KLHL29: variants seen among roughly 807,000 people sequenced by gnomAD.
KLHL29 encodes kelch-like protein 29.
Under a neutral mutation model 80.4 loss-of-function variants are expected in KLHL29, and 21 were observed. That is an observed-to-expected ratio of 0.26 (90% CI 0.19 to 0.38). KLHL29 has a LOEUF of 0.38. Among genes scored for constraint, KLHL29 ranks in the 10% least tolerant of loss-of-function variants. The pLI is 1.00. For missense variants in KLHL29, 867 were observed against 1,223.9 expected, an observed-to-expected ratio of 0.71 and a Z score of 4.35; for synonymous variants, 511 against 526.8, an observed-to-expected ratio of 0.97 and a Z score of 0.41.
At chr2:23,518,833 A>G (rs925225194) in intron 2 of KLHL29, among the ~76,000 whole-genome samples, 1 of 152,140 alleles carries the variant, frequency 6.6e-6, no homozygotes, top group African/African-American at 2.4e-5. Context: ...CTATCCCCAT[A>G]TCATGAACTG....
At chr2:23,401,795 C>T (rs902228806) in intron 1 of KLHL29, among the ~76,000 whole-genome samples, 1 of 152,200 alleles carries the variant, frequency 6.6e-6, no homozygotes, top group Non-Finnish European at 1.5e-5. Context: ...CCTCTTCATT[C>T]TCTAGAAGGC....
intron 1 of KLHL29, among the ~76,000 whole-genome samples, chr2:23,390,894 T>A (rs1666304743): frequency 6.6e-6 from 1 of 152,172 alleles, no homozygotes; most frequent in Non-Finnish European, 1.5e-5. Context: ...CCTCAGGTGA[T>A]CCACCCGCCT....
chr2:23,534,083 T>A (rs1572384382), intron 2 of KLHL29, among the ~76,000 whole-genome samples: 1 of 152,192 alleles, frequency 6.6e-6, no homozygotes, highest in Non-Finnish European at 1.5e-5. Context: ...CGGGGATGCC[T>A]TTCCAAGCAA....
At chr2:23,627,514 C>A (rs1572449137) in intron 3 of KLHL29, among the ~76,000 whole-genome samples, 1 of 152,256 alleles carries the variant, frequency 6.6e-6, no homozygotes, top group African/African-American at 2.4e-5. Flanking sequence ...CTGAGACCCA[C>A]ACTCAGGCGC....
Position 23,606,183 on chromosome 2 carries a change from A to AGAGG in KLHL29, c.286-32953_286-32952insGGAG, listed in dbSNP as rs1412805685. Among the ~76,000 whole-genome samples the AGAGG allele has an allele frequency of 5.0e-5, 6 of 119,236 alleles. No homozygotes were observed. In the South Asian group the frequency reaches 1.3e-3, roughly 26 times the overall value. 78.2% of individuals were successfully genotyped at this position (119,236 alleles called of 152,430 possible). ...GTGTGTGTGTGTGCGTGAGAGAGAG[A>AGAGG]GAGAGGGAGAGAGAGAGGGAGAGAG... On this transcript the variant is annotated intron_variant, in intron 3 of 13. Coordinates refer to ENST00000486442, the MANE Select transcript of KLHL29 (RefSeq NM_052920.2).
intron 2 of KLHL29, among the ~76,000 whole-genome samples, chr2:23,505,237 G>T (rs915950863): frequency 5.9e-5 from 9 of 152,228 alleles, no homozygotes; most frequent in African/African-American, 2.2e-4. Flanking sequence ...AGATCTGAGA[G>T]CCCTGTGATG....
intron 3 of KLHL29, among the ~76,000 whole-genome samples, chr2:23,565,597 T>C (rs930362822): frequency 1.3e-5 from 2 of 152,012 alleles, no homozygotes; most frequent in African/African-American, 4.8e-5. Context: ...TTAAAGCTTT[T>C]TTCAGCTGTG....
In KLHL29 at chr2:23,696,272, C is replaced by A; in HGVS notation, c.1925-61C>A. The A allele has an allele frequency of 6.6e-7, 1 of 1,515,176 alleles. No homozygotes were observed. The highest frequency in any genetic ancestry group is 9.0e-7 in the Non-Finnish European group (1 of 1,117,096). The allele number at this position is 1,515,176 out of a possible 1,614,324, so 93.9% of individuals were successfully genotyped here. A position where few individuals can be genotyped will look rare whatever the true frequency, so the allele number is the denominator to read the frequency against. On this transcript the variant is annotated intron_variant, in intron 10 of 13. Transcript: ENST00000486442. This position sits in a 1 kb window ranked among gnomAD's most constrained non-coding sequence, Gnocchi z 5.5. ...CCTTCCTCTGCCCCTGGGGCTGGGC[C>A]TGCTGACCCCAGGCCCCTCCTCACC...
chr2:23,529,106 C>A (rs1666418371), intron 2 of KLHL29, among the ~76,000 whole-genome samples: 1 of 152,198 alleles, frequency 6.6e-6, no homozygotes, highest in Non-Finnish European at 1.5e-5. Context: ...TGAAAAGCCC[C>A]TTTTTACTAA....
intron 2 of KLHL29, among the ~76,000 whole-genome samples, chr2:23,488,582 G>T (rs565703569): frequency 6.6e-6 from 1 of 152,350 alleles, no homozygotes; most frequent in South Asian, 2.1e-4. Context: ...AAGCAGAAAG[G>T]TTTTCTATTT....
chr2:23,638,599 G>C (rs1157431521), intron 3 of KLHL29, among the ~76,000 whole-genome samples: 1 of 152,210 alleles, frequency 6.6e-6, no homozygotes, highest in African/African-American at 2.4e-5. Flanking sequence ...GGGCCTCAGA[G>C]GCTGGTGTGG....
At chr2:23,599,782 C>G (rs139211314) in intron 3 of KLHL29, among the ~76,000 whole-genome samples, 6 of 152,272 alleles carry the variant, frequency 3.9e-5, no homozygotes, top group African/African-American at 1.4e-4. Context: ...AATTTAAAGA[C>G]AAAGGAAACA....
At chr2:23,451,683 C>T (rs1000818522) in intron 1 of KLHL29, among the ~76,000 whole-genome samples, 16 of 152,278 alleles carry the variant, frequency 1.1e-4, no homozygotes, top group East Asian at 5.8e-4. Context: ...GGATTTTGGA[C>T]GGGCACATTA....
intron 3 of KLHL29, among the ~76,000 whole-genome samples, chr2:23,608,862 C>T (rs549601105): frequency 1.2e-3 from 179 of 151,924 alleles, no homozygotes; most frequent in Non-Finnish European, 2.2e-3. Flanking sequence ...TTAATAATAA[C>T]GATAAAGATA....
At chr2:23,421,414 T>A (rs951870137) in intron 1 of KLHL29, among the ~76,000 whole-genome samples, 1 of 152,170 alleles carries the variant, frequency 6.6e-6, no homozygotes. Flanking sequence ...GCCTCTCCTC[T>A]CCTCTCCTCC....
intron 3 of KLHL29, among the ~76,000 whole-genome samples, chr2:23,628,665 A>G (rs907505435): frequency 1.3e-5 from 2 of 152,138 alleles, no homozygotes; most frequent in African/African-American, 4.8e-5. Context: ...AATAGTAATA[A>G]TAATGTTGGG....
chr2:23,390,403 G>T (rs190603174), intron 1 of KLHL29, among the ~76,000 whole-genome samples: 5 of 152,264 alleles, frequency 3.3e-5, no homozygotes, highest in African/African-American at 9.6e-5. Flanking sequence ...GCGCAAAGAC[G>T]ACAGCCGCTA....
chr2:23,548,719 T>C (rs757581278), intron 2 of KLHL29, among the ~76,000 whole-genome samples: 1 of 152,220 alleles, frequency 6.6e-6, no homozygotes, highest in Non-Finnish European at 1.5e-5. Flanking sequence ...GTGAAAAGCG[T>C]ACCTCGCCGA....
chr2:23,513,245 A>G (rs1418604320), intron 2 of KLHL29, among the ~76,000 whole-genome samples: 1 of 152,214 alleles, frequency 6.6e-6, no homozygotes, highest in Non-Finnish European at 1.5e-5. Context: ...TAGTTCTGCA[A>G]TCCAATTTCT....
Sources: gnomAD v4.1 joint callset for allele counts (sites outside exome capture counted in the v4.1 genomes callset) on GRCh38, gnomAD v4.1.1 for gene constraint, Gnocchi (gnomAD v3.1) non-coding constraint, MANE v1.5 for transcripts, NCBI Gene and HGNC (gene_info 2026-07-23, HGNC 2026-07-21) for gene names.